The following BLNK variants were observed in gnomAD, a reference collection of about 807,000 sequenced individuals.
The protein encoded by BLNK is B-cell linker protein.
Under a neutral mutation model 73.5 loss-of-function variants are expected in BLNK, and 29 were observed. The observed-to-expected ratio is 0.39, with a 90% CI of 0.29 to 0.54. BLNK has a LOEUF of 0.54. Among genes scored for constraint, BLNK ranks in the 20% least tolerant of loss-of-function variants. BLNK has a pLI of 0.61. For missense variants in BLNK, 460 were observed against 562.8 expected (o/e 0.82, Z 1.85); for synonymous variants, 176 against 200.8 (o/e 0.88, Z 1.04).
At chr10:96,223,484 C>T (rs1398566165) in intron 6 of BLNK, among the ~76,000 whole-genome samples, 1 of 151,990 alleles carries the variant, frequency 6.6e-6, no homozygotes, top group Non-Finnish European at 1.5e-5. Flanking sequence ...GATTTGCTGT[C>T]AGTAACAACA....
intron 1 of BLNK, among the ~76,000 whole-genome samples, chr10:96,268,868 C>T (rs562735933): frequency 6.6e-6 from 1 of 152,150 alleles, no homozygotes; most frequent in Non-Finnish European, 1.5e-5. Flanking sequence ...CAAATTCTCA[C>T]CTAAGCCTAA....
intron 13 of BLNK, chr10:96,203,487 T>A (rs1254801765): frequency 2.0e-5 from 3 of 152,226 alleles, no homozygotes; most frequent in African/African-American, 7.2e-5. Context: ...TTTTTCTTCC[T>A]TTTTTTCCCA....
In BLNK at chr10:96,222,177, CAT is replaced by C. The variant is rs2084212376; in HGVS notation, c.525+1647_525+1648del. On this transcript the variant is annotated intron_variant, in intron 6 of 16. Transcript: ENST00000224337. ...AAATAACAGAGATGAAAAACAGACT[CAT>C]AGAAGTTGTCTAGCTTGCCCCAAAT... Among the ~76,000 whole-genome samples the C allele has an allele frequency of 5.9e-5, 9 of 152,328 alleles. No homozygotes were observed. In the South Asian group the frequency reaches 1.9e-3, roughly 32 times the overall value.
At chr10:96,219,481 A>T (rs1169398551) in intron 6 of BLNK, among the ~76,000 whole-genome samples, 1 of 152,206 alleles carries the variant, frequency 6.6e-6, no homozygotes, top group Non-Finnish European at 1.5e-5. Context: ...ATCCTTCAAT[A>T]TCTTATGTCT....
At chr10:96,217,384 C>G (rs1477106976) in intron 6 of BLNK, among the ~76,000 whole-genome samples, 2 of 152,158 alleles carry the variant, frequency 1.3e-5, no homozygotes, top group Non-Finnish European at 2.9e-5. Context: ...GAGAAACTGC[C>G]AAACTGTTTT....
intron 16 of BLNK, among the ~76,000 whole-genome samples, chr10:96,194,538 C>T (rs1339328550): frequency 6.6e-6 from 1 of 152,060 alleles, no homozygotes; most frequent in Non-Finnish European, 1.5e-5. Flanking sequence ...GCAAATAACA[C>T]AATCAACAGA....
rs1029061703 is a variant in BLNK at position 96,204,769 on chromosome 10, C to T, written c.818-153G>A. On this transcript the variant is annotated intron_variant, in intron 11 of 16. Transcript: ENST00000224337. ...GAGATGTCATGGATCTGTGCACTTG[C>T]CAGTCTGTTGATGTGGTTGTGCTAT... is the stretch of plus-strand genomic sequence containing the variant. 10 of 687,146 alleles carry T rather than the reference C, an allele frequency of 1.5e-5. No individual in the cohort carries two copies. In the Admixed American group the frequency reaches 1.5e-4, roughly 10 times the overall value. 42.6% of individuals were successfully genotyped at this position (687,146 alleles called of 1,614,324 possible). A position where few individuals can be genotyped will look rare whatever the true frequency, so the allele number is the denominator to read the frequency against.
chr10:96,232,516 G>A (rs1026440403), intron 3 of BLNK, among the ~76,000 whole-genome samples: 1 of 152,168 alleles, frequency 6.6e-6, no homozygotes. Flanking sequence ...ATGGGGTCAG[G>A]AAGGATACTG....
At chr10:96,201,931 A>G (rs1452727777) in intron 13 of BLNK, among the ~76,000 whole-genome samples, 1 of 152,224 alleles carries the variant, frequency 6.6e-6, no homozygotes, top group Non-Finnish European at 1.5e-5. Context: ...CATAAATGCT[A>G]TGAAGAAAAA....
chr10:96,265,943 G>A (rs1359261238), intron 1 of BLNK, among the ~76,000 whole-genome samples: 3 of 152,190 alleles, frequency 2.0e-5, no homozygotes, highest in African/African-American at 7.2e-5. Context: ...TTCCCTTGGG[G>A]ACAAAATTGC....
chr10:96,232,049 A>G (rs1554904099), intron 3 of BLNK, among the ~76,000 whole-genome samples: 1 of 152,266 alleles, frequency 6.6e-6, no homozygotes, highest in African/African-American at 2.4e-5. Context: ...CTTTCCCTCC[A>G]AAACACATTT....
rs1457786104 is a variant in BLNK at position 96,216,660 on chromosome 10, AGGT to A, written c.597_599del (p.Pro200del). ...AAGGCGACAAACTCTTACCTTTTTC[AGGT>A]GGAGGTGAACTGCTTTCTGTGGGAT... On this transcript the variant is annotated inframe_deletion, in exon 7 of 17. Transcript: ENST00000224337. 1 of 1,613,876 alleles carries A rather than the reference AGGT, an allele frequency of 6.2e-7. No homozygotes were observed. Among genetic ancestry groups the A allele is most frequent in the African/African-American group, 1.3e-5 (1 of 74,916 alleles).
Position 96,200,879 on chromosome 10 carries a change from C to A in BLNK, c.1011+103G>T, listed in dbSNP as rs2083614083. ...TTCACATAATGATGTAAAATACAGT[C>A]TCTGTTCTCAAGGTTCACTCCAAAT... On this transcript the variant is annotated intron_variant, in intron 14 of 16. Transcript: ENST00000224337. The surrounding 1 kb of genome is among the most constrained non-coding windows in gnomAD (Gnocchi z 4.3). 1 of 1,041,602 alleles carries A rather than the reference C, an allele frequency of 9.6e-7. No individual in the cohort carries two copies. The highest frequency in any genetic ancestry group is 1.6e-5 in the African/African-American group (1 of 63,560). 64.5% of individuals were successfully genotyped at this position (1,041,602 alleles called of 1,614,324 possible). A position where few individuals can be genotyped will look rare whatever the true frequency, so the allele number is the denominator to read the frequency against.
At chr10:96,230,347 C>A (rs1554903697) in intron 4 of BLNK, among the ~76,000 whole-genome samples, 1 of 152,134 alleles carries the variant, frequency 6.6e-6, no homozygotes. Flanking sequence ...ACTTTCTAGA[C>A]CTTGGTCCTG....
intron 7 of BLNK, chr10:96,215,806 A>T (rs1241230213): frequency 1.2e-5 from 2 of 162,786 alleles, no homozygotes; most frequent in African/African-American, 4.8e-5. Flanking sequence ...TGCAATACAC[A>T]CCATTGCTCT....
intron 2 of BLNK, among the ~76,000 whole-genome samples, chr10:96,244,197 G>C (rs998205636): frequency 6.6e-6 from 1 of 152,090 alleles, no homozygotes; most frequent in South Asian, 2.1e-4. Context: ...ACTATCATTA[G>C]TCCCATGATG....
intron 1 of BLNK, among the ~76,000 whole-genome samples, chr10:96,253,749 C>T (rs1224020244): frequency 6.6e-6 from 1 of 152,040 alleles, no homozygotes; most frequent in African/African-American, 2.4e-5. Context: ...GGTGCGATGG[C>T]TCACGCCTGT....
At chr10:96,226,992 G>A (rs1023237108) in intron 5 of BLNK, among the ~76,000 whole-genome samples, 5 of 152,162 alleles carry the variant, frequency 3.3e-5, no homozygotes, top group African/African-American at 9.7e-5. Flanking sequence ...CAGACACTGG[G>A]ATCCTCGAAG....
At chr10:96,236,432 C>T (rs1048491511) in intron 3 of BLNK, among the ~76,000 whole-genome samples, 6 of 152,138 alleles carry the variant, frequency 3.9e-5, no homozygotes, top group East Asian at 1.9e-4. Flanking sequence ...CCACCAGTGC[C>T]GCCCTAAGAG....
Sources: gnomAD v4.1 joint callset for allele counts (sites outside exome capture counted in the v4.1 genomes callset) on GRCh38, gnomAD v4.1.1 for gene constraint, Gnocchi (gnomAD v3.1) non-coding constraint, MANE v1.5 for transcripts, NCBI Gene and HGNC (gene_info 2026-07-23, HGNC 2026-07-21) for gene names.